ERC2: variants seen among roughly 807,000 people sequenced by gnomAD.
The protein encoded by ERC2 is ELKS/RAB6-interacting/CAST family member 2.
ERC2 carries 42 observed loss-of-function variants against 114.8 expected under a neutral mutation model. The observed-to-expected ratio is 0.37, with a 90% CI of 0.29 to 0.47. The LOEUF (loss-of-function observed/expected upper bound fraction) is 0.47. Among genes scored for constraint, ERC2 ranks in the 20% least tolerant of loss-of-function variants. ERC2 has a pLI of 0.99. For missense variants in ERC2, 939 were observed against 1,150.7 expected, an observed-to-expected ratio of 0.82 and a Z score of 2.66; for synonymous variants, 454 against 425.5, an observed-to-expected ratio of 1.07 and a Z score of -0.82.
At chr3:55,912,559 TCA>T (rs2064869897) in intron 13 of ERC2, among the ~76,000 whole-genome samples, 1 of 152,214 alleles carries the variant, frequency 6.6e-6, no homozygotes, top group Non-Finnish European at 1.5e-5. Flanking sequence ...GTCATATTTA[TCA>T]CTCTAAACTA....
chr3:55,643,780 G>A (rs2060283538), intron 17 of ERC2, among the ~76,000 whole-genome samples: 1 of 152,098 alleles, frequency 6.6e-6, no homozygotes, highest in African/African-American at 2.4e-5. Flanking sequence ...TCAGATGTAA[G>A]TTGGCATCTA....
At chr3:56,157,147 C>A (rs1272403077) in intron 4 of ERC2, among the ~76,000 whole-genome samples, 1 of 152,118 alleles carries the variant, frequency 6.6e-6, no homozygotes, top group African/African-American at 2.4e-5. Flanking sequence ...GATAGGCCTG[C>A]CTTGAATAGA....
chr3:55,622,582 G>A (rs761519201), intron 17 of ERC2, among the ~76,000 whole-genome samples: 1 of 152,228 alleles, frequency 6.6e-6, no homozygotes, highest in South Asian at 2.1e-4. Flanking sequence ...CAGCTTAAAT[G>A]TGCTACAGAG....
chr3:56,291,997 A>G (rs1001626096), intron 3 of ERC2, among the ~76,000 whole-genome samples: 2 of 152,210 alleles, frequency 1.3e-5, no homozygotes, highest in Middle Eastern at 3.2e-3. Context: ...GTCATTAATT[A>G]GAAGCACTTT....
intron 6 of ERC2, among the ~76,000 whole-genome samples, chr3:56,095,476 T>A (rs1177226090): frequency 1.3e-5 from 2 of 152,200 alleles, no homozygotes; most frequent in Non-Finnish European, 2.9e-5. Context: ...TATTCCAGTA[T>A]GTCTAACATG....
intron 17 of ERC2, among the ~76,000 whole-genome samples, chr3:55,520,359 C>T (rs1049017161): frequency 6.8e-5 from 10 of 148,012 alleles, no homozygotes; most frequent in Admixed American, 2.0e-4. Flanking sequence ...TTGTTTGAAC[C>T]CAGGAGGCCG....
chr3:55,709,784 G>C (rs2063678609), intron 15 of ERC2, among the ~76,000 whole-genome samples: 2 of 152,202 alleles, frequency 1.3e-5, no homozygotes. Context: ...TGGTGGGGCT[G>C]TGTTGGCCAG....
chr3:56,212,712 C>T (rs1206348857), intron 3 of ERC2, among the ~76,000 whole-genome samples: 1 of 152,196 alleles, frequency 6.6e-6, no homozygotes, highest in East Asian at 1.9e-4. Flanking sequence ...AAATGCCCAT[C>T]AATCAACAAG....
chr3:56,146,865 C>A (rs1381174825), intron 5 of ERC2, among the ~76,000 whole-genome samples: 1 of 152,164 alleles, frequency 6.6e-6, no homozygotes, highest in Non-Finnish European at 1.5e-5. Context: ...CTGACCTGAC[C>A]ACTTCTGGAA....
At chr3:55,743,067 GC>G (rs2066067944) in intron 14 of ERC2, among the ~76,000 whole-genome samples, 2 of 152,170 alleles carry the variant, frequency 1.3e-5, no homozygotes, top group Admixed American at 1.3e-4. Context: ...GCTCCCTGTT[GC>G]CCACCTAAAA....
At position 56,296,072 on chromosome 3, in the gene ERC2, G is replaced by GA. The variant is rs752498271; in HGVS notation, c.1020_1021insT (p.His341SerfsTer17). The GA allele has an allele frequency of 6.2e-7, 1 of 1,611,128 alleles. No individual in the cohort carries two copies. Among genetic ancestry groups the GA allele is most frequent in the South Asian group, 1.1e-5 (1 of 90,840 alleles). ...TTCTGATCTAAAATCACTTCCAAGTGGCTGACCTGAGACTCAGCCTCTGCC... is the reference window on the plus strand; with the variant it reads ...TTCTGATCTAAAATCACTTCCAAGTGAGCTGACCTGAGACTCAGCCTCTGCC... On this transcript the variant is annotated frameshift_variant, in exon 3 of 18. Coordinates refer to ENST00000288221, the MANE Select transcript of ERC2 (RefSeq NM_015576.3). LOFTEE classifies it high-confidence loss of function.
chr3:55,541,399 T>C (rs964919282), intron 17 of ERC2, among the ~76,000 whole-genome samples: 7 of 152,188 alleles, frequency 4.6e-5, no homozygotes, highest in African/African-American at 1.7e-4. Context: ...GGTTGTCAAA[T>C]CACGCCATTG....
At chr3:55,777,084 A>T (rs193166865) in intron 14 of ERC2, among the ~76,000 whole-genome samples, 14 of 152,160 alleles carry the variant, frequency 9.2e-5, no homozygotes, top group South Asian at 2.1e-4. Flanking sequence ...CATAAAAAAA[A>T]AATAATAACA....
intron 2 of ERC2, among the ~76,000 whole-genome samples, chr3:56,351,034 C>A: frequency 6.6e-6 from 1 of 152,082 alleles, no homozygotes; most frequent in South Asian, 2.1e-4. Context: ...CGCCTAGTTC[C>A]AAAGCCTGCC....
intron 14 of ERC2, among the ~76,000 whole-genome samples, chr3:55,818,546 T>C (rs1331493519): frequency 6.6e-6 from 1 of 152,218 alleles, no homozygotes; most frequent in Non-Finnish European, 1.5e-5. Flanking sequence ...AAGCTGACCT[T>C]CTGCTCAGAT....
chr3:56,171,992 A>T (rs2150020900), intron 4 of ERC2, among the ~76,000 whole-genome samples: 2 of 150,152 alleles, frequency 1.3e-5, no homozygotes, highest in East Asian at 3.9e-4. Context: ...AAACAAAAAA[A>T]AAAACAAGTC....
At position 55,981,339 on chromosome 3, in the gene ERC2, T is replaced by G. The variant is rs190812594; in HGVS notation, c.2267+4638A>C. 2.0e-5 allele frequency among the ~76,000 whole-genome samples: 3 copies of G among 152,308 alleles called. No homozygotes were observed. The East Asian group carries it at 5.8e-4, about 29-fold the overall frequency. On this transcript the variant is annotated intron_variant, in intron 12 of 17. Transcript: ENST00000288221. Reference sequence around the variant, plus strand: ...AAGGCAGCTTTAAAGAAGGATATAATTTTCTGACCTGTGGATAACCCCTTC... The same window carrying G: ...AAGGCAGCTTTAAAGAAGGATATAAGTTTCTGACCTGTGGATAACCCCTTC...
chr3:55,651,466 G>A (rs185474927), intron 17 of ERC2, among the ~76,000 whole-genome samples: 12 of 152,256 alleles, frequency 7.9e-5, no homozygotes, highest in Admixed American at 3.9e-4. Flanking sequence ...CCATGTGATC[G>A]AGCGGACACT....
chr3:55,739,950 G>A (rs2065880004), intron 14 of ERC2, among the ~76,000 whole-genome samples: 1 of 152,068 alleles, frequency 6.6e-6, no homozygotes, highest in African/African-American at 2.4e-5. Flanking sequence ...GTAAGGAAGG[G>A]GTTCAGTTTC....
Sources: allele counts gnomAD v4.1 joint callset (sites outside exome capture counted in the v4.1 genomes callset), GRCh38; gene constraint gnomAD v4.1.1; transcripts MANE v1.5; gene names NCBI Gene and HGNC (gene_info 2026-07-23, HGNC 2026-07-21).